The following WDR27 variants were observed in gnomAD, a reference collection of about 807,000 sequenced individuals.
WDR27 encodes the protein WD repeat domain 27, also known as WD repeat-containing protein 27.
A neutral mutation model predicts 114.4 loss-of-function variants in WDR27; 100 were observed. The ratio of observed to expected loss-of-function variants is 0.87; its 90% CI spans 0.74 to 1.03. The LOEUF is 1.03. Ranked by LOEUF, WDR27 falls within the 50% of genes least tolerant of loss-of-function variation. WDR27 has a pLI of 0.00. For synonymous variants in WDR27, 449 were observed against 423.1 expected (o/e 1.06, Z -0.75); for missense variants, 1,129 against 1,092.9 (o/e 1.03, Z -0.47).
intron 25 of WDR27, among the ~76,000 whole-genome samples, chr6:169,458,445 CCTT>C (rs111609104): frequency 0.33 from 49,955 of 151,792 alleles, 9,669 homozygotes; most frequent in African/African-American, 0.54. Context: ...CCTTGACCCT[CCTT>C]CAATTTTCTC....
chr6:169,455,067 C>T (rs1784297447), downstream of WDR27, among the ~76,000 whole-genome samples: 1 of 152,254 alleles, frequency 6.6e-6, no homozygotes, highest in Non-Finnish European at 1.5e-5. Flanking sequence ...GCGCCCTGGC[C>T]TGCAGCTGAG....
chr6:169,555,446 C>G (rs1228119026), intron 25 of WDR27, among the ~76,000 whole-genome samples: 1 of 152,026 alleles, frequency 6.6e-6, no homozygotes, highest in Non-Finnish European at 1.5e-5. Flanking sequence ...CTTGGCAGCA[C>G]GAGCTCAGCC....
chr6:169,659,707 C>T lies in WDR27; in HGVS notation c.1130-189G>A, dbSNP rs758406261. On this transcript the variant is annotated intron_variant, in intron 10 of 25. Coordinates refer to ENST00000448612, the MANE Select transcript of WDR27 (RefSeq NM_182552.5). This position sits in a 1 kb window ranked among gnomAD's most constrained non-coding sequence, Gnocchi z 4.3. Reference sequence around the variant, plus strand: ...AGGCCCCAGGCCACACACACACCAGCGCACACACCACACACACACCAGGCC... The same window carrying T: ...AGGCCCCAGGCCACACACACACCAGTGCACACACCACACACACACCAGGCC... Among the ~76,000 whole-genome samples, 68 of 152,050 alleles carry T rather than the reference C, an allele frequency of 4.5e-4. No individual in the cohort carries two copies. Among genetic ancestry groups the T allele is most frequent in the Middle Eastern group, 3.4e-3 (1 of 294 alleles).
At chr6:169,525,156 T>C (rs760739674) in intron 25 of WDR27, among the ~76,000 whole-genome samples, 10 of 152,060 alleles carry the variant, frequency 6.6e-5, no homozygotes, top group African/African-American at 1.7e-4. Flanking sequence ...AAGTAGCTAA[T>C]AGGTATATGA....
Position 169,633,058 on chromosome 6 carries a change from G to C in WDR27, c.2112C>G (p.Leu704=). 6.3e-7 allele frequency: 1 copy of C among 1,582,136 alleles called. No individual in the cohort carries two copies. Among genetic ancestry groups the C allele is most frequent in the Non-Finnish European group, 8.7e-7 (1 of 1,155,024 alleles). ...AVNDFYSHIV[L]AAGRNRTVEV... ...CCACGGTCCTGTTCCGGCCAGCTGCGAGTACGATGTCTGCGATAATCCAGT... is the reference window on the plus strand; with the variant it reads ...CCACGGTCCTGTTCCGGCCAGCTGCCAGTACGATGTCTGCGATAATCCAGT... The change falls in exon 21 of 26, where the codon CTC becomes CTG. Residue 704 remains leucine (L), a synonymous_variant. Coordinates refer to ENST00000448612, the MANE Select transcript of WDR27 (RefSeq NM_182552.5).
At chr6:169,676,630 C>T (rs1440319086) in intron 2 of WDR27, among the ~76,000 whole-genome samples, 1 of 152,126 alleles carries the variant, frequency 6.6e-6, no homozygotes, top group Non-Finnish European at 1.5e-5. Flanking sequence ...CACCTGGAGG[C>T]TTCTTATGTA....
At chr6:169,658,802 G>A (rs887446059) in intron 12 of WDR27, among the ~76,000 whole-genome samples, 2 of 151,588 alleles carry the variant, frequency 1.3e-5, no homozygotes, top group Non-Finnish European at 2.9e-5. Context: ...TTCTGCCTCA[G>A]CCTCCCGACT....
the WDR27 span, among the ~76,000 whole-genome samples, chr6:169,437,058 T>C: frequency 6.6e-6 from 1 of 152,162 alleles, no homozygotes; most frequent in Admixed American, 6.5e-5. Context: ...AGTAAGAATT[T>C]TGTGTGGTCT....
chr6:169,575,456 T>C (rs77122716), intron 24 of WDR27, among the ~76,000 whole-genome samples: 3,019 of 151,992 alleles, frequency 0.02, 69 homozygotes, highest in East Asian at 0.079. Flanking sequence ...TCCGTTTCTC[T>C]GCAAACGTGT....
downstream of WDR27, among the ~76,000 whole-genome samples, chr6:169,456,037 T>C (rs932597450): frequency 2.0e-5 from 3 of 152,204 alleles, no homozygotes; most frequent in Non-Finnish European, 4.4e-5. The surrounding 1 kb of genome is among the most constrained non-coding windows in gnomAD (Gnocchi z 4.0). Context: ...GTCAAAATTT[T>C]AAATGATTTA....
chr6:169,563,119 C>T (rs780977560), intron 25 of WDR27, among the ~76,000 whole-genome samples: 4 of 152,132 alleles, frequency 2.6e-5, no homozygotes, highest in South Asian at 4.1e-4. Context: ...AAGCTGACAG[C>T]GGACCCCAGA....
chr6:169,544,231 G>A (rs948723816), intron 25 of WDR27, among the ~76,000 whole-genome samples: 2 of 151,922 alleles, frequency 1.3e-5, no homozygotes, highest in Non-Finnish European at 2.9e-5. Flanking sequence ...GTGCTCTAAG[G>A]TATAGCGACT....
intron 23 of WDR27, among the ~76,000 whole-genome samples, chr6:169,596,635 T>G (rs1267885529): frequency 1.3e-5 from 2 of 152,012 alleles, no homozygotes; most frequent in Non-Finnish European, 2.9e-5. Flanking sequence ...TAAAAAAAAC[T>G]GTGATATCTA....
intron 23 of WDR27, among the ~76,000 whole-genome samples, chr6:169,586,901 A>C (rs920586720): frequency 6.8e-6 from 1 of 146,440 alleles, no homozygotes; most frequent in Non-Finnish European, 1.5e-5. Context: ...CTTCAGGGAC[A>C]AAGTATCAAT....
chr6:169,569,199 T>C (rs1800974291), intron 25 of WDR27, among the ~76,000 whole-genome samples: 1 of 151,850 alleles, frequency 6.6e-6, no homozygotes, highest in African/African-American at 2.4e-5. Flanking sequence ...AGGAAAATTA[T>C]TTATGGTTTA....
intron 23 of WDR27, among the ~76,000 whole-genome samples, chr6:169,583,744 CT>C (rs10706334): frequency 0.94 from 142,418 of 151,730 alleles, 66,921 homozygotes; most frequent in East Asian, 0.99. Context: ...AAGACAATTC[CT>C]TTTTCCCGCA....
chr6:169,527,539 A>G (rs1236554343), intron 25 of WDR27, among the ~76,000 whole-genome samples: 1 of 152,202 alleles, frequency 6.6e-6, no homozygotes, highest in Non-Finnish European at 1.5e-5. Flanking sequence ...GTGTCCCAGA[A>G]TTAAACAGTG....
chr6:169,475,844 G>C lies in WDR27; in HGVS notation c.2646-18210C>G, dbSNP rs368967200. Among the ~76,000 whole-genome samples the C allele has an allele frequency of 2.6e-5, 4 of 151,864 alleles. No individual in the cohort carries two copies. The East Asian group carries it at 7.8e-4, about 29-fold the overall frequency. On this transcript the variant is annotated intron_variant, in intron 25 of 25. Transcript: ENST00000448612. Reference sequence around the variant, plus strand: ...AAGCATTTTTTTAATTCTCTAATAGGGAAAATATAAAGTTGACTTTATCTT... The same window carrying C: ...AAGCATTTTTTTAATTCTCTAATAGCGAAAATATAAAGTTGACTTTATCTT...
chr6:169,447,059 A>G, the WDR27 span, among the ~76,000 whole-genome samples: 20 of 152,322 alleles, frequency 1.3e-4, no homozygotes, highest in South Asian at 2.5e-3. Flanking sequence ...AAGATTTCCA[A>G]TCTAATGGCA....
Sources: allele counts gnomAD v4.1 joint callset (sites outside exome capture counted in the v4.1 genomes callset), GRCh38; gene constraint gnomAD v4.1.1; non-coding constraint Gnocchi (gnomAD v3.1); transcripts MANE v1.5; gene names NCBI Gene and HGNC (gene_info 2026-07-23, HGNC 2026-07-21).